MAP3K8: variants seen among roughly 807,000 people sequenced by gnomAD.
The protein encoded by MAP3K8 is mitogen-activated protein kinase kinase kinase 8, also known as Ewing sarcoma transformant.
A neutral mutation model predicts 45.8 loss-of-function variants in MAP3K8; 22 were observed. The ratio of observed to expected loss-of-function variants is 0.48; its 90% CI spans 0.34 to 0.69. MAP3K8 has a LOEUF of 0.69. Ranked by LOEUF, MAP3K8 falls within the 30% of genes least tolerant of loss-of-function variation. The pLI, the probability that MAP3K8 is intolerant of heterozygous loss-of-function variation, is 0.01. For missense variants in MAP3K8, 419 were observed against 585.0 expected (o/e 0.72, Z 2.93); for synonymous variants, 223 against 214.3 (o/e 1.04, Z -0.36).
At chr10:30,446,236 T>A (rs968498882) in intron 3 of MAP3K8, among the ~76,000 whole-genome samples, 1 of 152,102 alleles carries the variant, frequency 6.6e-6, no homozygotes, top group Non-Finnish European at 1.5e-5. Context: ...GGTCCTTTAA[T>A]AGTTTCACAA....
Position 30,450,249 on chromosome 10 carries a change from G to A in MAP3K8, c.505-9G>A. 5 of 1,566,352 alleles carry A rather than the reference G, an allele frequency of 3.2e-6. No individual in the cohort carries two copies. Among genetic ancestry groups the A allele is most frequent in the Non-Finnish European group, 4.3e-6 (5 of 1,155,532 alleles). On this transcript the variant is annotated splice_polypyrimidine_tract_variant and intron_variant, in intron 4 of 8. Transcript: ENST00000263056. The stretch of plus-strand genomic sequence containing the variant: ...TATTTAGAATCTCGCTTGTATTTTT[G>A]TGTTCTAGATCCCAGTAGATCAATT...
chr10:30,446,709 A>G (rs1836353305), intron 3 of MAP3K8, among the ~76,000 whole-genome samples: 1 of 151,998 alleles, frequency 6.6e-6, no homozygotes, highest in African/African-American at 2.4e-5. Flanking sequence ...CCCATGAACT[A>G]CCATATTATT....
chr10:30,460,603 CTG>C, intron 8 of MAP3K8, 101 bp from the exon 9 acceptor site: 1 of 908,126 alleles, frequency 1.1e-6, no homozygotes, highest in East Asian at 2.7e-5. Context: ...GCTTAAGACA[CTG>C]TTTTATTAGG....
At chr10:30,453,929 A>C (rs538553972) in intron 6 of MAP3K8, among the ~76,000 whole-genome samples, 226 of 149,246 alleles carry the variant, frequency 1.5e-3, no homozygotes, top group African/African-American at 5.3e-3. Flanking sequence ...GGAAGGAAGG[A>C]AGGAAGGAAG....
In MAP3K8 at chr10:30,461,229, T is replaced by A. The variant is rs544712845; in HGVS notation, c.*393T>A. On this transcript the variant is annotated 3_prime_UTR_variant, in exon 9 of 9. Coordinates refer to ENST00000263056, the MANE Select transcript of MAP3K8 (RefSeq NM_005204.4). ...TATGGAATATTCATTTTACTCAGAA[T>A]AGCTGTTTTGTGTATATTGGTGTAT... The A allele has an allele frequency of 2.8e-4, 65 of 234,162 alleles. No individual in the cohort carries two copies. The highest frequency in any genetic ancestry group is 1.3e-3 in the African/African-American group (60 of 45,168). 14.5% of individuals were successfully genotyped at this position (234,162 alleles called of 1,614,324 possible). A position where few individuals can be genotyped will look rare whatever the true frequency, so the allele number is the denominator to read the frequency against.
chr10:30,444,418 G>A (rs1447613611), intron 3 of MAP3K8, among the ~76,000 whole-genome samples: 4 of 151,794 alleles, frequency 2.6e-5, no homozygotes, highest in East Asian at 1.9e-4. Context: ...AGCTGAGATC[G>A]CCCCATTGCA....
intron 6 of MAP3K8, among the ~76,000 whole-genome samples, chr10:30,453,495 A>G (rs990224919): frequency 1.3e-5 from 2 of 152,182 alleles, no homozygotes; most frequent in South Asian, 2.1e-4. Flanking sequence ...ACTCTAAATG[A>G]GATTCTGAAA....
chr10:30,437,874 A>C (rs902158372), intron 2 of MAP3K8, among the ~76,000 whole-genome samples: 2 of 152,228 alleles, frequency 1.3e-5, no homozygotes, highest in Non-Finnish European at 2.9e-5. Flanking sequence ...TCGGTGATTT[A>C]AGTAAACCAA....
intron 6 of MAP3K8, among the ~76,000 whole-genome samples, chr10:30,454,525 A>C (rs1447414421): frequency 6.6e-6 from 1 of 151,100 alleles, no homozygotes; most frequent in Non-Finnish European, 1.5e-5. Flanking sequence ...TGATTATGCC[A>C]CTGCACCCAT....
chr10:30,450,792 G>A (rs569965421), intron 5 of MAP3K8, among the ~76,000 whole-genome samples: 1 of 152,072 alleles, frequency 6.6e-6, no homozygotes, highest in South Asian at 2.1e-4. Context: ...TTTTAAAATT[G>A]CAATTTAGGC....
rs531302205 is a variant in MAP3K8, at chr10:30,443,663, C to T, written c.337-4119C>T. On this transcript the variant is annotated intron_variant, in intron 3 of 8. Coordinates refer to ENST00000263056, the MANE Select transcript of MAP3K8 (RefSeq NM_005204.4). ...ATAATATGCCTGCATGAATATAGATCGATACCATGTCTGTTTCATAGTAGC... is the reference window on the plus strand; with the variant it reads ...ATAATATGCCTGCATGAATATAGATTGATACCATGTCTGTTTCATAGTAGC... 9.9e-5 allele frequency among the ~76,000 whole-genome samples: 15 copies of T among 152,270 alleles called. 1 individual carries two copies. Among genetic ancestry groups the T allele is most frequent in the African/African-American group, 2.6e-4 (11 of 41,552 alleles).
At position 30,438,859 on chromosome 10, in the gene MAP3K8, G is replaced by T. The variant is rs8176968; in HGVS notation, c.-23-57G>T. 4.6e-3 allele frequency: 4,289 copies of T among 926,072 alleles called. 134 individuals carry two copies. In the African/African-American group the frequency reaches 0.062, roughly 13 times the overall value. 57.4% of individuals were successfully genotyped at this position (926,072 alleles called of 1,614,324 possible). A position where few individuals can be genotyped will look rare whatever the true frequency, so the allele number is the denominator to read the frequency against. On this transcript the variant is annotated intron_variant, in intron 2 of 8. Transcript: ENST00000263056. The stretch of plus-strand genomic sequence containing the variant: ...CAATCCTTGTATGTCAGTTTCCCAT[G>T]GGTCTTGAATGCAAATACAAATATC...
intron 6 of MAP3K8, among the ~76,000 whole-genome samples, chr10:30,453,179 C>T (rs529150794): frequency 6.6e-6 from 1 of 152,078 alleles, no homozygotes; most frequent in African/African-American, 2.4e-5. Context: ...TGGACTTGAA[C>T]CCAGTTCTTT....
chr10:30,460,305 T>G (rs1836890872), intron 8 of MAP3K8, among the ~76,000 whole-genome samples: 1 of 152,248 alleles, frequency 6.6e-6, no homozygotes, highest in African/African-American at 2.4e-5. Flanking sequence ...GTCAGTATGC[T>G]TTCCAGGAGC....
Position 30,439,107 on chromosome 10 carries a change from G to A in MAP3K8, c.169G>A (p.Asp57Asn), listed in dbSNP as rs150001848. 30 of 1,614,222 alleles carry A rather than the reference G, an allele frequency of 1.9e-5. No individual in the cohort carries two copies. In the East Asian group the frequency reaches 2.9e-4, roughly 16 times the overall value. The change falls in exon 3 of 9, where the codon GAT (aspartate) becomes AAT (asparagine). Residue 57 changes from aspartate to asparagine, a missense_variant. Around this residue, in one of 3 missense-constraint regions of MAP3K8, gnomAD observed 102 missense variants for 93.5 expected, o/e 1.09. Coordinates refer to ENST00000263056, the MANE Select transcript of MAP3K8 (RefSeq NM_005204.4). Reference sequence around the variant, plus strand: ...CATGTGTCAAGACAGTAATCAAAACGATGAGCGTTCTAAGTCTCTGCTGCT... The same window carrying A: ...CATGTGTCAAGACAGTAATCAAAACAATGAGCGTTCTAAGTCTCTGCTGCT... ...MTMCQDSNQN[D>N]ERSKSLLLSG...
chr10:30,443,510 A>G (rs1836188458), intron 3 of MAP3K8, among the ~76,000 whole-genome samples: 1 of 152,126 alleles, frequency 6.6e-6, no homozygotes, highest in Admixed American at 6.5e-5. Context: ...TAACTCTCTC[A>G]TCATCTGGGC....
chr10:30,438,204 A>G (rs1382531309), intron 2 of MAP3K8, among the ~76,000 whole-genome samples: 1 of 152,200 alleles, frequency 6.6e-6, no homozygotes, highest in Non-Finnish European at 1.5e-5. Context: ...ACTATTAAAG[A>G]ATTCTGGTCC....
In MAP3K8 at chr10:30,460,811, G is replaced by T. The variant is rs770229633; in HGVS notation, c.1379G>T (p.Gly460Val). ...GCTGGCTACTTCAATCTTGTTCGGG[G>T]ACCACCAACGCTTGAATATGGCTGA... Reference protein sequence around the residue: ...ALAGYFNLVRGPPTLEYG With the variant: ...ALAGYFNLVRVPPTLEYG Residue 460 changes from glycine (G) to valine (V), a missense_variant, in exon 9 of 9, where the codon GGA (glycine) becomes GTA (valine). By Grantham distance (109) the Gly-to-Val change is moderately radical. Coordinates refer to ENST00000263056, the MANE Select transcript of MAP3K8 (RefSeq NM_005204.4). 5.0e-6 allele frequency: 8 copies of T among 1,613,784 alleles called. No individual in the cohort carries two copies. In the Admixed American group the frequency reaches 1.2e-4, roughly 24 times the overall value.
intron 6 of MAP3K8, among the ~76,000 whole-genome samples, chr10:30,457,076 C>T (rs1221482699): frequency 1.3e-4 from 19 of 151,142 alleles, no homozygotes; most frequent in Non-Finnish European, 1.3e-4. Context: ...AGAGGGAGAC[C>T]CCATCTCGAA....
Sources: gnomAD v4.1 joint callset for allele counts (sites outside exome capture counted in the v4.1 genomes callset) on GRCh38, gnomAD v4.1.1 for gene constraint, gnomAD v4.1.1 regional missense constraint, MANE v1.5 for transcripts, NCBI Gene and HGNC (gene_info 2026-07-23, HGNC 2026-07-21) for gene names.